Variants in MBTD1 observed in about 807,000 individuals in gnomAD.
The protein encoded by MBTD1 is mbt domain containing 1, also known as MBT domain-containing protein 1.
MBTD1 carries 24 observed loss-of-function variants against 87.8 expected under a neutral mutation model. The ratio of observed to expected loss-of-function variants is 0.27; its 90% CI spans 0.20 to 0.38. The LOEUF (loss-of-function observed/expected upper bound fraction) is 0.38, where lower values mean the gene tolerates loss of function less well. Among genes scored for constraint, MBTD1 ranks in the 10% least tolerant of loss-of-function variants. The pLI, the probability that MBTD1 is intolerant of heterozygous loss-of-function variation, is 1.00. For synonymous variants in MBTD1, 237 were observed against 248.6 expected, an observed-to-expected ratio of 0.95 and a Z score of 0.44; for missense variants, 436 against 760.2, an observed-to-expected ratio of 0.57 and a Z score of 5.02.
At chr17:51,207,644 C>T (rs2143275590) in intron 6 of MBTD1, among the ~76,000 whole-genome samples, 1 of 152,106 alleles carries the variant, frequency 6.6e-6, no homozygotes, top group South Asian at 2.1e-4. Context: ...AGAAAACTTC[C>T]AATGTTAGAA....
At chr17:51,213,204 A>G (rs1253112521) in intron 6 of MBTD1, among the ~76,000 whole-genome samples, 1 of 151,610 alleles carries the variant, frequency 6.6e-6, no homozygotes, top group African/African-American at 2.4e-5. Context: ...ATGCCCAGCT[A>G]ATTTTTTTGT....
chr17:51,195,949 T>C (rs974041399), intron 12 of MBTD1, among the ~76,000 whole-genome samples: 3 of 152,168 alleles, frequency 2.0e-5, no homozygotes, highest in Admixed American at 6.5e-5. Flanking sequence ...GCTCTGTCAC[T>C]CAGGCTGGAG....
At chr17:51,198,783 C>T (rs1172169645) in intron 12 of MBTD1, among the ~76,000 whole-genome samples, 1 of 151,982 alleles carries the variant, frequency 6.6e-6, no homozygotes, top group Non-Finnish European at 1.5e-5. Context: ...GACATGGAGT[C>T]GATCATGGGA....
chr17:51,207,081 C>A, intron 6 of MBTD1, 76 bp from the exon 7 acceptor site: 2 of 708,624 alleles, frequency 2.8e-6, no homozygotes, highest in Non-Finnish European at 2.4e-6. Flanking sequence ...TTAAGCAGTA[C>A]CATCAATAAT....
At position 51,186,789 on chromosome 17, in the gene MBTD1, A is replaced by C. The variant is rs1456559762; in HGVS notation, c.1768+5414T>G. ...ACTCTCGTCTCAAAAAAAAAAACCA[A>C]AACAAAACAAAACAAAAAGAACAGC... On this transcript the variant is annotated intron_variant, in intron 16 of 16. Transcript: ENST00000586178. Among the ~76,000 whole-genome samples, 3 of 152,000 alleles carry C rather than the reference A, an allele frequency of 2.0e-5. No homozygotes were observed. In the East Asian group the frequency reaches 5.8e-4, roughly 29 times the overall value.
intron 2 of MBTD1, among the ~76,000 whole-genome samples, chr17:51,242,914 A>T (rs1399774161): frequency 6.6e-6 from 1 of 152,116 alleles, no homozygotes; most frequent in African/African-American, 2.4e-5. Flanking sequence ...CAGTGCACTG[A>T]CATCTTCCTT....
intron 2 of MBTD1, among the ~76,000 whole-genome samples, chr17:51,235,126 A>AT (rs1475483459): frequency 1.5e-4 from 22 of 146,464 alleles, no homozygotes; most frequent in Non-Finnish European, 2.4e-4. Flanking sequence ...AATATCATGA[A>AT]TATAGGATGC....
At chr17:51,253,441 G>A (rs1360362564) in intron 2 of MBTD1, among the ~76,000 whole-genome samples, 1 of 152,086 alleles carries the variant, frequency 6.6e-6, no homozygotes, top group Non-Finnish European at 1.5e-5. Flanking sequence ...GGGGAATCAT[G>A]AGCAACAGGT....
At chr17:51,226,536 G>T (rs1391750880) in intron 2 of MBTD1, among the ~76,000 whole-genome samples, 1 of 151,932 alleles carries the variant, frequency 6.6e-6, no homozygotes, top group East Asian at 1.9e-4. Flanking sequence ...AAATCGTGGT[G>T]AAATATACAT....
rs1180084822 is a variant in MBTD1 at position 51,197,989 on chromosome 17, CAAT to C, written c.1225-2631_1225-2629del. Among the ~76,000 whole-genome samples the C allele has an allele frequency of 2.0e-5, 3 of 152,168 alleles. No individual in the cohort carries two copies. The South Asian group carries it at 6.2e-4, about 32-fold the overall frequency. On this transcript the variant is annotated intron_variant, in intron 12 of 16. Coordinates refer to ENST00000586178, the MANE Select transcript of MBTD1 (RefSeq NM_017643.3). Reference sequence around the variant, plus strand: ...GATGACCTCATCCACCCCAGTGCTACAATGATGAGCTTCTACACCAGTGATTCC... The same window carrying C: ...GATGACCTCATCCACCCCAGTGCTACGATGAGCTTCTACACCAGTGATTCC...
chr17:51,218,793 A>G (rs1342124369), intron 5 of MBTD1, 137 bp downstream of exon 5: 7 of 585,540 alleles, frequency 1.2e-5, no homozygotes, highest in Non-Finnish European at 1.8e-5. Flanking sequence ...AACAACTATT[A>G]GGAAGCTTAG....
At chr17:51,210,548 G>T (rs914444271) in intron 6 of MBTD1, among the ~76,000 whole-genome samples, 2 of 151,984 alleles carry the variant, frequency 1.3e-5, no homozygotes, top group African/African-American at 4.8e-5. Flanking sequence ...CTGAGGTCAG[G>T]AGTTCAAGAG....
intron 12 of MBTD1, among the ~76,000 whole-genome samples, chr17:51,199,148 G>A (rs1337181477): frequency 1.3e-5 from 2 of 151,870 alleles, no homozygotes; most frequent in Non-Finnish European, 2.9e-5. Context: ...GCCCAGGCTG[G>A]AGTGCAATAG....
At chr17:51,195,390 T>G (rs200346712) in intron 12 of MBTD1, 29 bp from the exon 13 acceptor site, 18 of 1,519,898 alleles carry the variant, frequency 1.2e-5, no homozygotes, top group Non-Finnish European at 1.4e-5. Flanking sequence ...TCTAAGTACT[T>G]GAAATTAGAT....
At chr17:51,250,499 A>C (rs1353676394) in intron 2 of MBTD1, 1 of 152,252 alleles carries the variant, frequency 6.6e-6, no homozygotes, top group Non-Finnish European at 1.5e-5. Context: ...CCTGGACAAC[A>C]GTTAGCTGGA....
chr17:51,192,179 T>C (rs1333606474), intron 16 of MBTD1, 24 bp downstream of exon 16: 23 of 1,494,732 alleles, frequency 1.5e-5, no homozygotes, highest in Admixed American at 4.0e-5. Flanking sequence ...AGAAAATGTA[T>C]GTGAACACCA....
intron 6 of MBTD1, among the ~76,000 whole-genome samples, chr17:51,210,238 G>T (rs1225244979): frequency 6.6e-6 from 1 of 152,064 alleles, no homozygotes; most frequent in Admixed American, 6.6e-5. Context: ...CGATCTGCCT[G>T]CCTCAGCCTC....
At position 51,178,052 on chromosome 17, in the gene MBTD1, T is replaced by TA. The variant is rs777850371; in HGVS notation, c.*2523dup. The TA allele has an allele frequency of 2.6e-5, 4 of 152,132 alleles. No homozygotes were observed. The highest frequency in any genetic ancestry group is 5.9e-5 in the Non-Finnish European group (4 of 68,026). The allele number at this position is 152,132 out of a possible 1,614,324, so 9.4% of individuals were successfully genotyped here. ...TCCTCATACACGGCAAGGAAAAGGT[T>TA]AAAGAGTTTAAACTACCAAAAGTCC... On this transcript the variant is annotated 3_prime_UTR_variant, in exon 17 of 17. Transcript: ENST00000586178.
chr17:51,221,514 A>G (rs185538260), intron 3 of MBTD1, among the ~76,000 whole-genome samples: 2 of 152,348 alleles, frequency 1.3e-5, no homozygotes, highest in Admixed American at 1.3e-4. Flanking sequence ...TGCCTTAGTG[A>G]GTTAAAGCCT....
Sources: gnomAD v4.1 joint callset for allele counts (sites outside exome capture counted in the v4.1 genomes callset) on GRCh38, gnomAD v4.1.1 for gene constraint, MANE v1.5 for transcripts, NCBI Gene and HGNC (gene_info 2026-07-23, HGNC 2026-07-21) for gene names.